CNNM2: variants seen among roughly 807,000 people sequenced by gnomAD.
CNNM2 encodes the protein metal transporter CNNM2.
CNNM2 carries 12 observed loss-of-function variants against 66.9 expected under a neutral mutation model. The ratio of observed to expected loss-of-function variants is 0.18; its 90% CI spans 0.11 to 0.29. The LOEUF is 0.29. Ranked by LOEUF, CNNM2 falls within the 10% of genes least tolerant of loss-of-function variation. The probability of loss-of-function intolerance (pLI) is 1.00; values close to 1 mark genes in which losing one functional copy is unlikely to be tolerated. For synonymous variants in CNNM2, 557 were observed against 501.8 expected (o/e 1.11, Z -1.47); for missense variants, 705 against 1,167.7 (o/e 0.60, Z 5.77).
intron 1 of CNNM2, among the ~76,000 whole-genome samples, chr10:103,039,284 G>A (rs896208740): frequency 1.3e-5 from 2 of 152,044 alleles, no homozygotes; most frequent in African/African-American, 4.8e-5. Flanking sequence ...CTACAGGAGT[G>A]CACCACCATG....
intron 1 of CNNM2, among the ~76,000 whole-genome samples, chr10:103,001,223 C>T (rs78358813): frequency 2.8e-4 from 43 of 152,116 alleles, no homozygotes; most frequent in Admixed American, 5.9e-4. Context: ...TTTAGTTTTG[C>T]AGGATTAAAA....
intron 1 of CNNM2, among the ~76,000 whole-genome samples, chr10:102,943,224 C>CA (rs1377781133): frequency 1.3e-5 from 2 of 151,620 alleles, no homozygotes; most frequent in South Asian, 2.1e-4. Context: ...GACTCTGTCT[C>CA]AAAAAAACAA....
At chr10:103,067,850 C>T (rs1396553003) in intron 4 of CNNM2, among the ~76,000 whole-genome samples, 2 of 152,148 alleles carry the variant, frequency 1.3e-5, no homozygotes, top group Admixed American at 1.3e-4. Context: ...AGACTTTCTT[C>T]AAACTGCTTT....
chr10:103,004,067 A>G (rs2064177700), intron 1 of CNNM2, among the ~76,000 whole-genome samples: 1 of 120,218 alleles, frequency 8.3e-6, no homozygotes, highest in African/African-American at 3.3e-5. Flanking sequence ...ATCTCGGCTC[A>G]CTGCAACCTC....
intron 1 of CNNM2, among the ~76,000 whole-genome samples, chr10:102,999,863 A>G (rs2064082721): frequency 6.6e-6 from 1 of 152,236 alleles, no homozygotes; most frequent in African/African-American, 2.4e-5. Context: ...TCTGATGACT[A>G]CTGTCAAAAA....
intron 1 of CNNM2, among the ~76,000 whole-genome samples, chr10:103,017,403 A>G (rs1191718905): frequency 6.6e-6 from 1 of 152,190 alleles, no homozygotes; most frequent in Non-Finnish European, 1.5e-5. Flanking sequence ...TGGGGAGCAG[A>G]CTAAGCAAAT....
At chr10:102,920,958 T>G (rs1029887486) in intron 1 of CNNM2, 6 of 341,624 alleles carry the variant, frequency 1.8e-5, no homozygotes, top group Non-Finnish European at 2.5e-5. Context: ...CTATTGGGGC[T>G]TATTTATTTC....
intron 1 of CNNM2, among the ~76,000 whole-genome samples, chr10:102,983,529 C>T (rs977798957): frequency 5.9e-5 from 9 of 151,818 alleles, no homozygotes; most frequent in African/African-American, 2.2e-4. Flanking sequence ...GCCTTGACCT[C>T]CCAGGCTCAA....
intron 1 of CNNM2, among the ~76,000 whole-genome samples, chr10:102,991,424 A>C (rs2063896055): frequency 6.6e-6 from 1 of 152,184 alleles, no homozygotes; most frequent in South Asian, 2.1e-4. Context: ...TATTTTTAGT[A>C]ATATTTCTTT....
At chr10:103,055,279 G>A (rs116082495) in intron 3 of CNNM2, among the ~76,000 whole-genome samples, 63 of 152,340 alleles carry the variant, frequency 4.1e-4, no homozygotes, top group African/African-American at 1.5e-3. Context: ...GGCAGCCAGT[G>A]CCTTTCATCT....
At chr10:103,042,919 C>A (rs1323359535) in intron 1 of CNNM2, among the ~76,000 whole-genome samples, 1 of 152,122 alleles carries the variant, frequency 6.6e-6, no homozygotes, top group Non-Finnish European at 1.5e-5. Flanking sequence ...ATCACTAGTT[C>A]TATAGAACTC....
intron 1 of CNNM2, among the ~76,000 whole-genome samples, chr10:103,024,604 G>A (rs1293607386): frequency 6.6e-6 from 1 of 151,380 alleles, no homozygotes; most frequent in Non-Finnish European, 1.5e-5. Flanking sequence ...TCAGCCTCCC[G>A]AGCAGCTGGG....
intron 1 of CNNM2, among the ~76,000 whole-genome samples, chr10:102,979,449 A>C (rs1292657108): frequency 6.6e-6 from 1 of 152,166 alleles, no homozygotes; most frequent in Non-Finnish European, 1.5e-5. Context: ...ACCTGCTTAA[A>C]TTCAGATGTC....
intron 1 of CNNM2, among the ~76,000 whole-genome samples, chr10:103,041,321 TA>T (rs2134317608): frequency 6.6e-6 from 1 of 152,328 alleles, no homozygotes; most frequent in Non-Finnish European, 1.5e-5. Context: ...TGTGTGTACC[TA>T]TTCATTCATT....
intron 1 of CNNM2, among the ~76,000 whole-genome samples, chr10:102,972,635 A>G (rs2063563642): frequency 6.6e-6 from 1 of 152,200 alleles, no homozygotes; most frequent in Non-Finnish European, 1.5e-5. Flanking sequence ...GACTGTCTCA[A>G]AATAAAAAAA....
rs1205177789 is a variant in CNNM2 at position 103,084,519 on chromosome 10, T to A, written c.*7339T>A. On this transcript the variant is annotated 3_prime_UTR_variant, in exon 8 of 8. Coordinates refer to ENST00000369878, the MANE Select transcript of CNNM2 (RefSeq NM_017649.5). ...AAAGAAATCATGGTAGCACATTCAC[T>A]CCCAGCCTCCTGCCTTGGTTTGTTT... is the stretch of plus-strand genomic sequence containing the variant. The A allele has an allele frequency of 2.0e-5, 3 of 152,160 alleles. No individual in the cohort carries two copies. Among genetic ancestry groups the A allele is most frequent in the Non-Finnish European group, 4.4e-5 (3 of 68,032 alleles). 9.4% of individuals were successfully genotyped at this position (152,160 alleles called of 1,614,324 possible).
chr10:103,019,367 G>A (rs916587364), intron 1 of CNNM2, among the ~76,000 whole-genome samples: 1 of 152,078 alleles, frequency 6.6e-6, no homozygotes, highest in Non-Finnish European at 1.5e-5. Context: ...CACAAGAGGG[G>A]TTCTATTGGA....
chr10:103,063,062 C>T (rs896384614), intron 4 of CNNM2, among the ~76,000 whole-genome samples: 2 of 152,186 alleles, frequency 1.3e-5, no homozygotes, highest in African/African-American at 2.4e-5. Context: ...GTGGCCAAGG[C>T]GGGTGCTGGC....
At chr10:102,964,747 C>G (rs1019454995) in intron 1 of CNNM2, among the ~76,000 whole-genome samples, 2 of 152,086 alleles carry the variant, frequency 1.3e-5, no homozygotes, top group South Asian at 2.1e-4. Flanking sequence ...CTTTAAAACA[C>G]CTCCTAGGAT....
Sources: gnomAD v4.1 joint callset for allele counts (sites outside exome capture counted in the v4.1 genomes callset) on GRCh38, gnomAD v4.1.1 for gene constraint, MANE v1.5 for transcripts, NCBI Gene and HGNC (gene_info 2026-07-23, HGNC 2026-07-21) for gene names.